Variants in PDS5A observed in about 807,000 individuals in gnomAD.
The protein encoded by PDS5A is PDS5 cohesin associated factor A.
Under a neutral mutation model 167.1 loss-of-function variants are expected in PDS5A, and 42 were observed. That is an observed-to-expected ratio of 0.25 (90% CI 0.20 to 0.33). PDS5A has a LOEUF of 0.33. Among genes scored for constraint, PDS5A ranks in the 10% least tolerant of loss-of-function variants. PDS5A has a pLI of 1.00. For missense variants in PDS5A, 1,033 were observed against 1,605.9 expected, an observed-to-expected ratio of 0.64 and a Z score of 6.10; for synonymous variants, 553 against 554.6, an observed-to-expected ratio of 1.00 and a Z score of 0.04.
intron 8 of PDS5A, among the ~76,000 whole-genome samples, chr4:39,915,250 G>C (rs1724256912): frequency 6.6e-6 from 1 of 151,340 alleles, no homozygotes; most frequent in Non-Finnish European, 1.5e-5. Context: ...TGCTGACAAG[G>C]TTGGTCTTGA....
intron 7 of PDS5A, among the ~76,000 whole-genome samples, chr4:39,919,118 A>G (rs1724679494): frequency 6.6e-6 from 1 of 152,208 alleles, no homozygotes. Context: ...TAATCCAAGT[A>G]ATACTAATAG....
rs115419970 is a variant in PDS5A, at chr4:39,920,836, G to A, written c.655-437C>T. On this transcript the variant is annotated intron_variant, in intron 6 of 32. Coordinates refer to ENST00000303538, the MANE Select transcript of PDS5A (RefSeq NM_001100399.2). ...CGTGCTCTGGAGAAGAGTAGACCTG[G>A]TAAGCGTTTCAAATAAAAAGCGTTC... 5.7e-3 allele frequency among the ~76,000 whole-genome samples: 875 copies of A among 152,266 alleles called. 7 individuals are homozygous for A. The highest frequency in any genetic ancestry group is 0.019 in the African/African-American group (805 of 41,530).
intron 2 of PDS5A, among the ~76,000 whole-genome samples, chr4:39,930,246 A>AAAAAAAATTTTT: frequency 1.1e-5 from 1 of 93,090 alleles, no homozygotes; most frequent in Non-Finnish European, 2.2e-5. Flanking sequence ...AAAAAAAAAA[A>AAAAAAAATTTTT]GTTTTTTTGT....
chr4:39,868,518 G>A (rs1055283856), intron 22 of PDS5A, among the ~76,000 whole-genome samples: 1 of 152,136 alleles, frequency 6.6e-6, no homozygotes, highest in Non-Finnish European at 1.5e-5. Context: ...TAGTAGACAA[G>A]GGGTTTCACC....
chr4:39,945,603 A>G (rs943405908), intron 2 of PDS5A, among the ~76,000 whole-genome samples: 2 of 152,158 alleles, frequency 1.3e-5, no homozygotes, highest in Non-Finnish European at 2.9e-5. Context: ...TATACTATAA[A>G]AACTGTACTG....
chr4:39,901,269 T>TTC lies in PDS5A; in HGVS notation c.1500-763_1500-762insGA, dbSNP rs1553898799. 5.3e-5 allele frequency among the ~76,000 whole-genome samples: 7 copies of TTC among 131,378 alleles called. No individual in the cohort carries two copies. The South Asian group carries it at 7.1e-4, about 13-fold the overall frequency. 86.2% of individuals were successfully genotyped at this position (131,378 alleles called of 152,430 possible). On this transcript the variant is annotated intron_variant, in intron 13 of 32. Transcript: ENST00000303538. ...ACAGTCTTTTTTTCTTTTCTTTCTT[T>TTC]TTTTTTTTTTTTTTTTTGAGACAAG...
chr4:39,968,501 C>T (rs10007833), intron 2 of PDS5A, among the ~76,000 whole-genome samples: 4 of 149,632 alleles, frequency 2.7e-5, no homozygotes, highest in Admixed American at 6.7e-5. Context: ...GGCACCATGT[C>T]GGCTCACCAC....
chr4:39,928,510 C>T (rs1725665435), intron 2 of PDS5A, among the ~76,000 whole-genome samples: 1 of 152,168 alleles, frequency 6.6e-6, no homozygotes, highest in African/African-American at 2.4e-5. Context: ...TTGGCAACAT[C>T]ATTAACTATG....
chr4:39,867,864 G>A (rs1207051316), intron 22 of PDS5A, among the ~76,000 whole-genome samples: 1 of 152,012 alleles, frequency 6.6e-6, no homozygotes, highest in African/African-American at 2.4e-5. Flanking sequence ...AAACCATCAA[G>A]TCTGATTCAG....
intron 2 of PDS5A, among the ~76,000 whole-genome samples, chr4:39,957,682 A>G (rs377282163): frequency 4.1e-5 from 6 of 147,852 alleles, no homozygotes; most frequent in African/African-American, 1.5e-4. Flanking sequence ...GCTACTCGGG[A>G]GGCTGAGGCA....
intron 5 of PDS5A, among the ~76,000 whole-genome samples, chr4:39,925,006 G>A (rs1210478280): frequency 1.3e-5 from 2 of 152,164 alleles, no homozygotes; most frequent in Non-Finnish European, 2.9e-5. Context: ...CAGCTACTCA[G>A]GAGGCTGAGA....
chr4:39,836,436 A>G (rs925850159), intron 32 of PDS5A, among the ~76,000 whole-genome samples: 1 of 151,812 alleles, frequency 6.6e-6, no homozygotes, highest in Non-Finnish European at 1.5e-5. Context: ...GTAAATGCTA[A>G]TTTTTTTGTT....
At chr4:39,929,942 G>A (rs1182820416) in intron 2 of PDS5A, among the ~76,000 whole-genome samples, 7 of 150,578 alleles carry the variant, frequency 4.6e-5, no homozygotes, top group South Asian at 4.2e-4. Flanking sequence ...GGGGCCGGGC[G>A]AGGTGGCTCA....
At chr4:39,959,391 G>A (rs959701957) in intron 2 of PDS5A, among the ~76,000 whole-genome samples, 1 of 151,982 alleles carries the variant, frequency 6.6e-6, no homozygotes, top group Non-Finnish European at 1.5e-5. Flanking sequence ...TCTCACTGTC[G>A]TCTAGGCTGG....
At chr4:39,927,144 T>C (rs1263262472) in intron 3 of PDS5A, among the ~76,000 whole-genome samples, 2 of 152,220 alleles carry the variant, frequency 1.3e-5, no homozygotes, top group Non-Finnish European at 2.9e-5. Context: ...TCTACTATCG[T>C]GCTTTCACTT....
intron 2 of PDS5A, among the ~76,000 whole-genome samples, chr4:39,962,623 G>A (rs1729593853): frequency 6.6e-6 from 1 of 151,668 alleles, no homozygotes; most frequent in Admixed American, 6.6e-5. Flanking sequence ...GGCCAACATG[G>A]TGAAACCCCG....
At chr4:39,927,183 C>A (rs1377878950) in intron 3 of PDS5A, among the ~76,000 whole-genome samples, 45 of 152,158 alleles carry the variant, frequency 3.0e-4, no homozygotes, top group Admixed American at 2.9e-3. Context: ...TGCATCGGGG[C>A]AAAAACTATC....
chr4:39,832,993 TA>T (rs972001872), intron 32 of PDS5A, among the ~76,000 whole-genome samples: 5 of 148,534 alleles, frequency 3.4e-5, no homozygotes, highest in African/African-American at 1.2e-4. Context: ...CCATCTCTAC[TA>T]AAAAAAAGAA....
chr4:39,942,847 A>G (rs1318130029), intron 2 of PDS5A, among the ~76,000 whole-genome samples: 1 of 152,122 alleles, frequency 6.6e-6, no homozygotes, highest in South Asian at 2.1e-4. Flanking sequence ...CTTCTCAAGA[A>G]GACACTAATC....
Sources: allele counts gnomAD v4.1 joint callset (sites outside exome capture counted in the v4.1 genomes callset), GRCh38; gene constraint gnomAD v4.1.1; transcripts MANE v1.5; gene names NCBI Gene and HGNC (gene_info 2026-07-23, HGNC 2026-07-21).